The following RBPJ variants were observed in gnomAD, a reference collection of about 807,000 sequenced individuals.
RBPJ encodes recombination signal binding protein for immunoglobulin kappa J region.
In RBPJ, 9 loss-of-function variants were observed where a neutral mutation model predicts 67.8. The observed-to-expected ratio is 0.13, with a 90% CI of 0.08 to 0.23. The LOEUF (loss-of-function observed/expected upper bound fraction) is 0.23. RBPJ is among the 10% of genes least tolerant of loss of function. RBPJ has a pLI of 1.00. For synonymous variants in RBPJ, 198 were observed against 203.3 expected (o/e 0.97, Z 0.22); for missense variants, 305 against 595.6 (o/e 0.51, Z 5.08).
intron 1 of RBPJ, among the ~76,000 whole-genome samples, chr4:26,183,587 G>A (rs1382463093): frequency 2.6e-5 from 4 of 152,150 alleles, no homozygotes; most frequent in Admixed American, 2.0e-4. Flanking sequence ...TTAATCTTGC[G>A]CAGTAAAATG....
At chr4:26,381,645 A>G (rs964370944) in intron 1 of RBPJ, among the ~76,000 whole-genome samples, 2 of 152,200 alleles carry the variant, frequency 1.3e-5, no homozygotes, top group Non-Finnish European at 2.9e-5. Context: ...ATGGTATTAT[A>G]TGAGCCTTAC....
At chr4:26,306,621 T>C (rs1288235220) in intron 1 of RBPJ, among the ~76,000 whole-genome samples, 6 of 151,892 alleles carry the variant, frequency 4.0e-5, no homozygotes, top group Non-Finnish European at 2.9e-5. Context: ...GGCCAATTTT[T>C]TGTATTTTTA....
intron 1 of RBPJ, among the ~76,000 whole-genome samples, chr4:26,207,751 A>G (rs1718220175): frequency 6.6e-6 from 1 of 152,126 alleles, no homozygotes; most frequent in Non-Finnish European, 1.5e-5. Flanking sequence ...AGATGCTTTG[A>G]GTATATTTAT....
At chr4:26,262,962 C>T (rs1025342383) in intron 1 of RBPJ, among the ~76,000 whole-genome samples, 2 of 152,182 alleles carry the variant, frequency 1.3e-5, no homozygotes, top group African/African-American at 4.8e-5. Flanking sequence ...TCTGGCTCCA[C>T]AGAGTCTACC....
the RBPJ span, among the ~76,000 whole-genome samples, chr4:26,125,339 G>A: frequency 1.3e-5 from 2 of 152,232 alleles, no homozygotes; most frequent in East Asian, 3.9e-4. Context: ...GATGGAGCCA[G>A]CCTGGGAGTG....
intron 1 of RBPJ, among the ~76,000 whole-genome samples, chr4:26,331,576 G>T (rs1041741821): frequency 6.6e-6 from 1 of 152,114 alleles, no homozygotes; most frequent in Non-Finnish European, 1.5e-5. Flanking sequence ...TGGTCAGCTC[G>T]GAGCCTGCCT....
At chr4:26,332,973 G>A (rs1724414874) in intron 1 of RBPJ, among the ~76,000 whole-genome samples, 1 of 152,160 alleles carries the variant, frequency 6.6e-6, no homozygotes, top group South Asian at 2.1e-4. Context: ...AGTATATTGT[G>A]TAAAGTGAGC....
rs1217024344 is a variant in RBPJ, at chr4:26,394,335, CT to C, written c.59+7951del. 2.6e-5 allele frequency among the ~76,000 whole-genome samples: 4 copies of C among 152,156 alleles called. No homozygotes were observed. In the South Asian group the frequency reaches 8.3e-4, roughly 32 times the overall value. On this transcript the variant is annotated intron_variant, in intron 2 of 10. Transcript: ENST00000355476. Reference sequence around the variant, plus strand: ...AGCCACCACGCCCAGCCTGGATTCACTTTTTTTCTTTTTACAAAAATTACAT... The same window carrying C: ...AGCCACCACGCCCAGCCTGGATTCACTTTTTTCTTTTTACAAAAATTACAT...
chr4:26,219,817 G>A (rs11929725), intron 1 of RBPJ, among the ~76,000 whole-genome samples: 18 of 151,712 alleles, frequency 1.2e-4, no homozygotes, highest in Admixed American at 2.0e-4. Flanking sequence ...ACTCTGTCAC[G>A]CAGGCTGGAG....
chr4:26,224,325 G>A (rs1719013368), intron 1 of RBPJ, among the ~76,000 whole-genome samples: 3 of 152,150 alleles, frequency 2.0e-5, no homozygotes, highest in African/African-American at 7.2e-5. Context: ...TGCCTCCCAG[G>A]TTCAAGCTAT....
chr4:26,305,603 A>G (rs994901106), intron 1 of RBPJ, among the ~76,000 whole-genome samples: 14 of 152,008 alleles, frequency 9.2e-5, no homozygotes, highest in Admixed American at 8.5e-4. Flanking sequence ...TTTAATACTC[A>G]TGCTATTGGA....
chr4:26,351,410 G>A (rs371757681), intron 1 of RBPJ, among the ~76,000 whole-genome samples: 42 of 152,112 alleles, frequency 2.8e-4, no homozygotes, highest in Admixed American at 2.5e-3. Flanking sequence ...ATTTTTTGGT[G>A]GGGGGTGGGT....
chr4:26,168,903 C>T (rs1716431621), intron 1 of RBPJ, among the ~76,000 whole-genome samples: 1 of 152,186 alleles, frequency 6.6e-6, no homozygotes. Flanking sequence ...AGTTCTCAAG[C>T]CTTGGCTTTC....
At chr4:26,132,009 G>A in the RBPJ span, among the ~76,000 whole-genome samples, 3 of 152,134 alleles carry the variant, frequency 2.0e-5, no homozygotes, top group Non-Finnish European at 4.4e-5. Context: ...GAGTATTATA[G>A]TATTTTCACA....
chr4:26,190,462 C>T (rs1215703705), intron 1 of RBPJ, among the ~76,000 whole-genome samples: 1 of 152,136 alleles, frequency 6.6e-6, no homozygotes, highest in Non-Finnish European at 1.5e-5. Flanking sequence ...AGAAGGCTTT[C>T]AAACCATGGG....
intron 1 of RBPJ, among the ~76,000 whole-genome samples, chr4:26,194,675 G>A (rs1249989276): frequency 6.6e-6 from 1 of 152,196 alleles, no homozygotes; most frequent in Non-Finnish European, 1.5e-5. Context: ...AGTTACCTTT[G>A]CATTTTGTAC....
At chr4:26,222,014 C>T (rs1275526289) in intron 1 of RBPJ, among the ~76,000 whole-genome samples, 1 of 152,104 alleles carries the variant, frequency 6.6e-6, no homozygotes, top group African/African-American at 2.4e-5. Flanking sequence ...TCTAGAGACA[C>T]CTCCGGTTTA....
chr4:26,255,609 T>A (rs192380189), intron 1 of RBPJ, among the ~76,000 whole-genome samples: 1 of 149,154 alleles, frequency 6.7e-6, no homozygotes, highest in Non-Finnish European at 1.5e-5. Context: ...GAGACCATCC[T>A]GGCTAACACG....
chr4:26,123,898 G>T, the RBPJ span, among the ~76,000 whole-genome samples: 2 of 152,160 alleles, frequency 1.3e-5, no homozygotes, highest in African/African-American at 2.4e-5. Flanking sequence ...ACTTCCAGAA[G>T]TACCTTCCTG....
Sources: gnomAD v4.1 joint callset for allele counts (sites outside exome capture counted in the v4.1 genomes callset) on GRCh38, gnomAD v4.1.1 for gene constraint, MANE v1.5 for transcripts, NCBI Gene and HGNC (gene_info 2026-07-23, HGNC 2026-07-21) for gene names.